The following GSG1L2 variants were observed in gnomAD, a reference collection of about 807,000 sequenced individuals.
GSG1L2 encodes the protein GSG1 like 2, also known as germ cell-specific gene 1-like protein 2.
Under a neutral mutation model 9.0 loss-of-function variants are expected in GSG1L2, and 15 were observed. The observed-to-expected ratio is 1.67, with a 90% CI of 1.12 to 2.57. GSG1L2 has a LOEUF of 2.57. Among genes scored for constraint, GSG1L2 ranks in the 30% most tolerant of loss-of-function variants. GSG1L2 has a pLI of 0.00. For missense variants in GSG1L2, 286 were observed against 150.3 expected, an observed-to-expected ratio of 1.90 and a Z score of -4.72; for synonymous variants, 127 against 57.9, an observed-to-expected ratio of 2.19 and a Z score of -5.41.
At chr17:9,821,431 C>T (rs866980740) in intron 1 of GSG1L2, among the ~76,000 whole-genome samples, 1 of 152,178 alleles carries the variant, frequency 6.6e-6, no homozygotes, top group Non-Finnish European at 1.5e-5. Flanking sequence ...TTTTAATAAA[C>T]ACTTGCAATG....
chr17:9,809,337 A>G (rs995281328), intron 2 of GSG1L2: 3 of 327,582 alleles, frequency 9.2e-6, no homozygotes, highest in African/African-American at 6.5e-5. Context: ...GGTCTGGCTG[A>G]CTTCAAGAAC....
intron 2 of GSG1L2, chr17:9,810,326 G>A (rs1597941695): frequency 1.8e-6 from 1 of 567,030 alleles, no homozygotes; most frequent in East Asian, 2.9e-5. Context: ...TTTACACCAT[G>A]GAACACGGCC....
intron 1 of GSG1L2, among the ~76,000 whole-genome samples, chr17:9,816,373 T>C (rs2066559564): frequency 6.6e-6 from 1 of 151,846 alleles, no homozygotes; most frequent in East Asian, 1.9e-4. Flanking sequence ...CGTGTGTCTG[T>C]GTGTGTGCGT....
intron 1 of GSG1L2, among the ~76,000 whole-genome samples, chr17:9,811,979 G>A (rs1042311551): frequency 4.0e-5 from 6 of 151,624 alleles, no homozygotes; most frequent in African/African-American, 1.5e-4. Flanking sequence ...CCAACCAATA[G>A]TCACTTATCA....
At chr17:9,812,713 T>C (rs922249170) in intron 1 of GSG1L2, among the ~76,000 whole-genome samples, 1 of 152,146 alleles carries the variant, frequency 6.6e-6, no homozygotes, top group Admixed American at 6.5e-5. Flanking sequence ...CAAAATCTCC[T>C]GGGCTCAAGT....
chr17:9,803,050 A>T (rs569800176), intron 4 of GSG1L2, among the ~76,000 whole-genome samples: 1 of 149,716 alleles, frequency 6.7e-6, no homozygotes, highest in African/African-American at 2.5e-5. Context: ...AAGTTTCCAG[A>T]TTATTGCTGT....
intron 1 of GSG1L2, among the ~76,000 whole-genome samples, chr17:9,812,770 G>A (rs1037973700): frequency 4.6e-5 from 7 of 152,046 alleles, no homozygotes; most frequent in South Asian, 4.2e-4. Flanking sequence ...AGAGGCGCAC[G>A]CCACCACACC....
Position 9,802,531 on chromosome 17 carries a change from C to G in GSG1L2, c.737G>C (p.Arg246Pro). 1.4e-6 allele frequency: 1 copy of G among 702,364 alleles called. No homozygotes were observed. The highest frequency in any genetic ancestry group is 2.6e-6 in the Non-Finnish European group (1 of 384,882). The allele number at this position is 702,364 out of a possible 1,614,324, so 43.5% of individuals were successfully genotyped here. ...TEKQQAQNGS[R>P]HSQHSFLEPE... ...TTCCAGGAAGCTGTGTTGAGAGTGC[C>G]GACTGCCGTTCTGTGCCTGCTGCTT... Residue 246 changes from arginine to proline, a missense_variant, in exon 5 of 5, where the codon CGG becomes CCG. Arg to Pro is a moderately radical substitution (Grantham distance 103, BLOSUM62 -2). Transcript: ENST00000399363.
chr17:9,821,302 T>G (rs2066588630), intron 1 of GSG1L2, among the ~76,000 whole-genome samples: 1 of 152,178 alleles, frequency 6.6e-6, no homozygotes, highest in Admixed American at 6.5e-5. Context: ...CACTCCAAGA[T>G]CATTCCAAGT....
rs2066591846 is a variant in GSG1L2, at chr17:9,821,957, C to T, written c.115G>A (p.Val39Met). ...GGCTGGTCCTGGCACAGTGGCTTCA[C>T]CACCCGTCGGGTCCCCTCACACCAG... ...SHWCEGTRRV[V>M]KPLCQDQPGG... Residue 39 changes from valine to methionine, a missense_variant, in exon 1 of 5, where the codon GTG becomes ATG. Val to Met is a conservative substitution (Grantham distance 21). Transcript: ENST00000399363. The T allele has an allele frequency of 1.4e-6, 1 of 703,124 alleles. No homozygotes were observed. Among genetic ancestry groups the T allele is most frequent in the Non-Finnish European group, 2.6e-6 (1 of 385,030 alleles). The allele number at this position is 703,124 out of a possible 1,614,324, so 43.6% of individuals were successfully genotyped here. A position where few individuals can be genotyped will look rare whatever the true frequency, so the allele number is the denominator to read the frequency against.
chr17:9,816,407 T>TGTGTGTCTGTGTGTGTGC (rs1567711168), intron 1 of GSG1L2, among the ~76,000 whole-genome samples: 1 of 148,494 alleles, frequency 6.7e-6, no homozygotes, highest in African/African-American at 2.5e-5. Context: ...TGTGTGTGTG[T>TGTGTGTCTGTGTGTGTGC]GTGTGTGTCT....
rs552647318 is a variant in GSG1L2 at position 9,809,197 on chromosome 17, G to C, written c.359-215C>G. The C allele has an allele frequency of 5.5e-6, 3 of 547,624 alleles. No individual in the cohort carries two copies. In the Admixed American group the frequency reaches 9.2e-5, roughly 17 times the overall value. 33.9% of individuals were successfully genotyped at this position (547,624 alleles called of 1,614,324 possible). A position where few individuals can be genotyped will look rare whatever the true frequency, so the allele number is the denominator to read the frequency against. On this transcript the variant is annotated intron_variant, in intron 2 of 4. Coordinates refer to ENST00000399363, the MANE Select transcript of GSG1L2 (RefSeq NM_001310219.2). ...TTGTAGGGATTGCCCGTAGCTGAAC[G>C]GGCGGTGGGGTGGGGGCGGGGAAAC...
Position 9,802,273 on chromosome 17 carries a change from A to AC in GSG1L2, c.*112_*113insG. On this transcript the variant is annotated 3_prime_UTR_variant, in exon 5 of 5. Transcript: ENST00000399363. ...GTGAGATGTGGAGGGGTGGGGATGG[A>AC]AGCTTTCCCTGGACAACAATCTCCT... is the stretch of plus-strand genomic sequence containing the variant. 5.2e-6 allele frequency: 3 copies of AC among 575,756 alleles called. No individual in the cohort carries two copies. Among genetic ancestry groups the AC allele is most frequent in the Non-Finnish European group, 9.3e-6 (3 of 322,832 alleles). 35.7% of individuals were successfully genotyped at this position (575,756 alleles called of 1,614,324 possible). A position where few individuals can be genotyped will look rare whatever the true frequency, so the allele number is the denominator to read the frequency against.
chr17:9,815,515 A>G (rs565224738), intron 1 of GSG1L2, among the ~76,000 whole-genome samples: 2 of 152,238 alleles, frequency 1.3e-5, no homozygotes, highest in Non-Finnish European at 2.9e-5. Flanking sequence ...TGGGGGAAAC[A>G]CTGGAATATG....
At position 9,808,869 on chromosome 17, in the gene GSG1L2, T is replaced by C; in HGVS notation, c.472A>G (p.Arg158Gly). Residue 158 changes from arginine (R) to glycine (G), a missense_variant, in exon 3 of 5, where the codon AGG becomes GGG. Coordinates refer to ENST00000399363, the MANE Select transcript of GSG1L2 (RefSeq NM_001310219.2). ...SCRSPGFHWL[R>G]VDALVAIFMV... ...AAGATGGCTACCAAGGCATCCACCC[T>C]GAGCCAGTGGAACCCAGGGCTGCGA... 2 of 702,942 alleles carry C rather than the reference T, an allele frequency of 2.8e-6. No homozygotes were observed. Among genetic ancestry groups the C allele is most frequent in the South Asian group, 1.5e-5 (1 of 67,580 alleles). The allele number at this position is 702,942 out of a possible 1,614,324, so 43.5% of individuals were successfully genotyped here. A position where few individuals can be genotyped will look rare whatever the true frequency, so the allele number is the denominator to read the frequency against.
chr17:9,810,707 G>A, intron 1 of GSG1L2, 89 bp from the exon 2 acceptor site: 1 of 695,734 alleles, frequency 1.4e-6, no homozygotes. Flanking sequence ...AACTGGATGA[G>A]GAATGGGGAG....
intron 3 of GSG1L2, chr17:9,807,909 G>C: frequency 3.7e-6 from 1 of 270,776 alleles, no homozygotes; most frequent in Non-Finnish European, 7.3e-6. Flanking sequence ...AGACTTGAGG[G>C]AGGTAGGCAT....
chr17:9,818,169 T>C (rs2066574805), intron 1 of GSG1L2, among the ~76,000 whole-genome samples: 1 of 152,168 alleles, frequency 6.6e-6, no homozygotes, highest in Non-Finnish European at 1.5e-5. Flanking sequence ...TGCTGGCTGT[T>C]CGGGAAGCAT....
intron 1 of GSG1L2, among the ~76,000 whole-genome samples, chr17:9,818,355 T>A (rs377220827): frequency 6.6e-6 from 1 of 151,962 alleles, no homozygotes; most frequent in Admixed American, 6.6e-5. Flanking sequence ...GTTTTTGAGA[T>A]GGAGTTTCGC....
Sources: allele counts gnomAD v4.1 joint callset (sites outside exome capture counted in the v4.1 genomes callset), GRCh38; gene constraint gnomAD v4.1.1; transcripts MANE v1.5; gene names NCBI Gene and HGNC (gene_info 2026-07-23, HGNC 2026-07-21).